ARFGEF2: variants seen among roughly 807,000 people sequenced by gnomAD.
ARFGEF2 encodes brefeldin A-inhibited guanine nucleotide-exchange protein 2.
In ARFGEF2, 74 loss-of-function variants were observed where a neutral mutation model predicts 219.9. The ratio of observed to expected loss-of-function variants is 0.34; its 90% confidence interval spans 0.28 to 0.41. The LOEUF is 0.41. ARFGEF2 is among the 10% of genes least tolerant of loss of function. The pLI is 1.00. For synonymous variants in ARFGEF2, 733 were observed against 799.2 expected (o/e 0.92, Z 1.40); for missense variants, 1,743 against 2,218.3 (o/e 0.79, Z 4.30).
intron 23 of ARFGEF2, among the ~76,000 whole-genome samples, chr20:48,996,884 A>T (rs2091393602): frequency 6.6e-6 from 1 of 151,614 alleles, no homozygotes; most frequent in Non-Finnish European, 1.5e-5. Context: ...GATATTTCCC[A>T]TAAAGAAGCT....
chr20:48,993,378 T>C (rs977161293), intron 21 of ARFGEF2, among the ~76,000 whole-genome samples: 4 of 152,204 alleles, frequency 2.6e-5, no homozygotes, highest in Admixed American at 6.5e-5. Context: ...AGGACATTAC[T>C]AGCTTACTAA....
intron 21 of ARFGEF2, among the ~76,000 whole-genome samples, chr20:48,992,416 T>C (rs2091362261): frequency 6.6e-6 from 1 of 152,170 alleles, no homozygotes; most frequent in South Asian, 2.1e-4. Flanking sequence ...CAGTTTGACA[T>C]AGAAAATTGC....
At chr20:48,924,541 C>T (rs1440471238) in intron 1 of ARFGEF2, among the ~76,000 whole-genome samples, 13 of 143,456 alleles carry the variant, frequency 9.1e-5, no homozygotes, top group Non-Finnish European at 1.5e-4. Flanking sequence ...AAGGCTGAAA[C>T]GAGCCAGTGT....
intron 6 of ARFGEF2, among the ~76,000 whole-genome samples, chr20:48,956,058 A>G (rs2091103633): frequency 1.3e-5 from 2 of 152,206 alleles, no homozygotes; most frequent in South Asian, 4.1e-4. Flanking sequence ...GAGTTGAACA[A>G]GGGAGACACG....
intron 3 of ARFGEF2, among the ~76,000 whole-genome samples, chr20:48,945,135 A>G (rs1815480508): frequency 6.6e-6 from 1 of 151,966 alleles, no homozygotes; most frequent in Admixed American, 6.6e-5. Flanking sequence ...TACCCTCATG[A>G]CTGCATCTAA....
Position 48,963,889 on chromosome 20 carries a change from G to A in ARFGEF2, c.898G>A (p.Ala300Thr), listed in dbSNP as rs797045260. The change falls in exon 7 of 39, where the codon GCC becomes ACC. Residue 300 changes from alanine (A) to threonine (T), a missense_variant. Physicochemically the swap from Ala to Thr is moderately conservative, Grantham distance 58. Transcript: ENST00000371917. The stretch of plus-strand genomic sequence containing the variant: ...CATCTTGGAAGATGTAGTCACATCT[G>A]CCATTAAAGGTAAGAACCAAGGACA... The part of the protein sequence containing the change: ...KDILEDVVTS[A>T]IKEAAEKHGL... 1 of 1,613,784 alleles carries A rather than the reference G, an allele frequency of 6.2e-7. No individual in the cohort carries two copies. The highest frequency in any genetic ancestry group is 8.5e-7 in the Non-Finnish European group (1 of 1,179,846).
At position 48,998,240 on chromosome 20, in the gene ARFGEF2, A is replaced by G; in HGVS notation, c.3262+7A>G. 1 of 1,613,924 alleles carries G rather than the reference A, an allele frequency of 6.2e-7. No individual in the cohort carries two copies. ...CTGGATGGAAATGCAATAGGTATGT[A>G]TTTGACTTACCTGTGAAAACTGCAG... On this transcript the variant is annotated splice_region_variant and intron_variant, in intron 24 of 38. Transcript: ENST00000371917.
rs766644494 is a variant in ARFGEF2 at position 49,017,404 on chromosome 20, T to C, written c.4454+17T>C. 1.2e-6 allele frequency: 2 copies of C among 1,613,988 alleles called. No homozygotes were observed. Among genetic ancestry groups the C allele is most frequent in the Non-Finnish European group, 1.7e-6 (2 of 1,179,992 alleles). ...CCCACATGTGTAAGTGTTCATGCAGTTGTTCCCGTTTATCTCTGTGTTCAG... is the reference window on the plus strand; with the variant it reads ...CCCACATGTGTAAGTGTTCATGCAGCTGTTCCCGTTTATCTCTGTGTTCAG... On this transcript the variant is annotated intron_variant, in intron 32 of 38. Transcript: ENST00000371917.
chr20:49,026,644 G>A (rs2091605345), intron 36 of ARFGEF2, among the ~76,000 whole-genome samples: 2 of 149,272 alleles, frequency 1.3e-5, no homozygotes, highest in African/African-American at 5.0e-5. Context: ...GGAGTGCAGT[G>A]GCGCAGTCTC....
chr20:48,978,145 A>G (rs1015461239), intron 14 of ARFGEF2, among the ~76,000 whole-genome samples: 1 of 152,264 alleles, frequency 6.6e-6, no homozygotes. Context: ...ATCTTGAATT[A>G]ATTTTTGTCT....
rs1309058613 is a variant in ARFGEF2 at position 48,989,670 on chromosome 20, A to G, written c.2800A>G (p.Ile934Val). The change falls in exon 20 of 39, where the codon ATC (isoleucine) becomes GTC (valine). Residue 934 changes from isoleucine (I) to valine (V), a missense_variant. Transcript: ENST00000371917. ...GIRCAIRIAC[I>V]FGMQLERDAY... Reference sequence around the variant, plus strand: ...CCGATGTGCAATCCGAATCGCCTGCATCTTTGGAATGCAGGTAGGTGTAAG... The same window carrying G: ...CCGATGTGCAATCCGAATCGCCTGCGTCTTTGGAATGCAGGTAGGTGTAAG... 1.9e-6 allele frequency: 3 copies of G among 1,614,210 alleles called. No individual in the cohort carries two copies. The East Asian group carries it at 6.7e-5, about 36-fold the overall frequency.
chr20:48,942,035 C>A, intron 3 of ARFGEF2, 48 bp downstream of exon 3: 1 of 1,611,898 alleles, frequency 6.2e-7, no homozygotes, highest in South Asian at 1.1e-5. Flanking sequence ...CTCCAAGCCA[C>A]AGTTGGTCCT....
intron 10 of ARFGEF2, among the ~76,000 whole-genome samples, chr20:48,971,728 C>T (rs1374157322): frequency 3.3e-5 from 5 of 152,078 alleles, no homozygotes; most frequent in South Asian, 4.1e-4. Context: ...GGTGAAACCC[C>T]GTCTCTACTA....
At chr20:48,966,997 C>T (rs2091192147) in intron 8 of ARFGEF2, among the ~76,000 whole-genome samples, 2 of 152,228 alleles carry the variant, frequency 1.3e-5, no homozygotes, top group South Asian at 4.1e-4. Context: ...CAGGCATGCA[C>T]CACCATACCT....
intron 37 of ARFGEF2, among the ~76,000 whole-genome samples, chr20:49,030,083 T>A (rs6090936): frequency 1.3e-5 from 2 of 150,754 alleles, no homozygotes; most frequent in Non-Finnish European, 3.0e-5. Context: ...CTAATTTTTG[T>A]GTTTTTAGTA....
At chr20:49,005,668 G>A (rs2091453653) in intron 26 of ARFGEF2, among the ~76,000 whole-genome samples, 1 of 147,966 alleles carries the variant, frequency 6.8e-6, no homozygotes, top group African/African-American at 2.5e-5. Context: ...AACTCAGGAG[G>A]CAGAGCTTGC....
chr20:48,950,382 C>G (rs2091058181), intron 3 of ARFGEF2, among the ~76,000 whole-genome samples: 1 of 152,056 alleles, frequency 6.6e-6, no homozygotes, highest in African/African-American at 2.4e-5. Context: ...CTCCCTCAAG[C>G]AACCATGTTA....
At chr20:49,030,725 G>A (rs570882188) in intron 37 of ARFGEF2, among the ~76,000 whole-genome samples, 10 of 152,210 alleles carry the variant, frequency 6.6e-5, no homozygotes, top group South Asian at 2.1e-4. Flanking sequence ...AGGGCCGGGC[G>A]CGGTGGGTCA....
chr20:48,948,451 T>A (rs2091043257), intron 3 of ARFGEF2, among the ~76,000 whole-genome samples: 1 of 152,206 alleles, frequency 6.6e-6, no homozygotes, highest in Non-Finnish European at 1.5e-5. Flanking sequence ...TGCCTCAGTT[T>A]CTCTGGTCAG....
Sources: gnomAD v4.1 joint callset for allele counts (sites outside exome capture counted in the v4.1 genomes callset) on GRCh38, gnomAD v4.1.1 for gene constraint, MANE v1.5 for transcripts, NCBI Gene and HGNC (gene_info 2026-07-23, HGNC 2026-07-21) for gene names.